The following AGBL4 variants were observed in gnomAD, a reference collection of about 807,000 sequenced individuals.
AGBL4 encodes AGBL carboxypeptidase 4.
In AGBL4, 58 loss-of-function variants were observed where a neutral mutation model predicts 66.4. That is an observed-to-expected ratio of 0.87 (90% CI 0.71 to 1.09). The LOEUF is 1.09. Among genes scored for constraint, AGBL4 ranks in the 50% least tolerant of loss-of-function variants. The probability of loss-of-function intolerance (pLI) is 0.00; values close to 1 mark genes in which losing one functional copy is unlikely to be tolerated. For synonymous variants in AGBL4, 234 were observed against 222.9 expected (o/e 1.05, Z -0.44); for missense variants, 579 against 631.0 (o/e 0.92, Z 0.88).
Position 49,045,739 on chromosome 1 carries a change from CAT to C in AGBL4, c.437_438del (p.Tyr146CysfsTer9). On this transcript the variant is annotated frameshift_variant, in exon 5 of 14. Transcript: ENST00000371839. LOFTEE classifies it high-confidence loss of function. ...TCAAAACAAAAGGCAAAGGACATCA[CAT>C]AGTTCTTCCTATGGTCCGGGCAGCG... ...YYRCPDHRKNYVMSFAFCFDR... is the reference protein window; with the variant it reads ...YYRCPDHRKNXVMSFAFCFDR... The C allele has an allele frequency of 6.4e-7, 1 of 1,551,982 alleles. No individual in the cohort carries two copies. Among genetic ancestry groups the C allele is most frequent in the Non-Finnish European group, 8.7e-7 (1 of 1,146,986 alleles).
chr1:49,194,394 T>G (rs1647184566), intron 4 of AGBL4, among the ~76,000 whole-genome samples: 1 of 152,212 alleles, frequency 6.6e-6, no homozygotes, highest in Non-Finnish European at 1.5e-5. Flanking sequence ...ATACTTTCAG[T>G]GTATATGTGT....
intron 13 of AGBL4, 34 bp from the exon 14 acceptor site, chr1:48,534,327 C>A: frequency 6.5e-7 from 1 of 1,540,164 alleles, no homozygotes; most frequent in Non-Finnish European, 8.8e-7. Context: ...AGAGAGAAGA[C>A]AGCCCATATA....
intron 4 of AGBL4, among the ~76,000 whole-genome samples, chr1:49,198,836 T>G (rs1647450083): frequency 6.6e-6 from 1 of 152,200 alleles, no homozygotes; most frequent in South Asian, 2.1e-4. Context: ...TCAGCCTTGC[T>G]TTTTGTCTTC....
chr1:48,582,962 A>G (rs561235282), intron 11 of AGBL4, among the ~76,000 whole-genome samples: 2 of 152,286 alleles, frequency 1.3e-5, no homozygotes, highest in East Asian at 3.9e-4. Context: ...CCTAGATGAA[A>G]TATCCCTTGG....
intron 1 of AGBL4, among the ~76,000 whole-genome samples, chr1:49,869,641 C>T (rs1018662461): frequency 6.6e-6 from 1 of 152,122 alleles, no homozygotes; most frequent in Non-Finnish European, 1.5e-5. Context: ...ATAGCTAATG[C>T]ATGCTGGGCT....
At chr1:49,834,126 T>G (rs556267864) in intron 2 of AGBL4, among the ~76,000 whole-genome samples, 1 of 152,348 alleles carries the variant, frequency 6.6e-6, no homozygotes, top group Admixed American at 6.5e-5. Context: ...GTCCTTCTTT[T>G]TCTATCGTTT....
intron 4 of AGBL4, among the ~76,000 whole-genome samples, chr1:49,147,191 C>T (rs559727551): frequency 2.0e-4 from 30 of 152,056 alleles, no homozygotes; most frequent in Non-Finnish European, 3.2e-4. Context: ...AAAATCCATG[C>T]CCTGGAGACT....
intron 6 of AGBL4, among the ~76,000 whole-genome samples, chr1:48,749,801 G>A (rs74819679): frequency 0.013 from 1,999 of 152,252 alleles, 40 homozygotes; most frequent in African/African-American, 0.045. Flanking sequence ...AACTATCTGT[G>A]CCCAGAGAGT....
In AGBL4 at chr1:48,742,706, T is replaced by C. The variant is rs773905436; in HGVS notation, c.635-79465A>G. On this transcript the variant is annotated intron_variant, in intron 6 of 13. Coordinates refer to ENST00000371839, the MANE Select transcript of AGBL4 (RefSeq NM_032785.4). ...GACGTATTTGCTTCCTCACTGAAAG[T>C]GCTCCGTAACTCCGGCTCGGGCTCG... 4 of 1,611,416 alleles carry C rather than the reference T, an allele frequency of 2.5e-6. No individual in the cohort carries two copies. In the South Asian group the frequency reaches 4.4e-5, roughly 18 times the overall value.
At chr1:49,392,495 A>G (rs1361828396) in intron 3 of AGBL4, among the ~76,000 whole-genome samples, 1 of 152,230 alleles carries the variant, frequency 6.6e-6, no homozygotes, top group Non-Finnish European at 1.5e-5. Flanking sequence ...GTCTCTTAAT[A>G]GTGAACCACT....
At chr1:49,800,426 A>C (rs945532939) in intron 2 of AGBL4, among the ~76,000 whole-genome samples, 18 of 143,320 alleles carry the variant, frequency 1.3e-4, no homozygotes, top group African/African-American at 3.9e-4. Context: ...CAGGTTAGTT[A>C]CATATGTATA....
chr1:49,921,300 AG>A (rs1319735705), intron 1 of AGBL4, among the ~76,000 whole-genome samples: 10 of 152,178 alleles, frequency 6.6e-5, no homozygotes, highest in African/African-American at 9.7e-5. Context: ...AAATTAAAAA[AG>A]GGTCTTAGAA....
intron 4 of AGBL4, among the ~76,000 whole-genome samples, chr1:49,152,319 C>T (rs1377236024): frequency 6.6e-6 from 1 of 152,282 alleles, no homozygotes; most frequent in South Asian, 2.1e-4. Context: ...CTCTTCCCTT[C>T]TTTTCTCCCT....
At chr1:49,231,946 G>A (rs1279979873) in intron 4 of AGBL4, among the ~76,000 whole-genome samples, 1 of 152,108 alleles carries the variant, frequency 6.6e-6, no homozygotes, top group Non-Finnish European at 1.5e-5. Context: ...TAAGTGTTCT[G>A]AGCACATTAC....
At chr1:49,776,722 G>A (rs1261218945) in intron 2 of AGBL4, among the ~76,000 whole-genome samples, 1 of 152,046 alleles carries the variant, frequency 6.6e-6, no homozygotes, top group Non-Finnish European at 1.5e-5. Context: ...TATCCTGTTA[G>A]TGCTGATCCC....
At chr1:49,181,576 T>C (rs1162732096) in intron 4 of AGBL4, among the ~76,000 whole-genome samples, 1 of 152,200 alleles carries the variant, frequency 6.6e-6, no homozygotes, top group African/African-American at 2.4e-5. Flanking sequence ...ATAGGGGTAT[T>C]GCCTAGGTTA....
At chr1:49,834,022 A>C (rs1645776136) in intron 2 of AGBL4, among the ~76,000 whole-genome samples, 1 of 152,170 alleles carries the variant, frequency 6.6e-6, no homozygotes, top group Admixed American at 6.5e-5. Flanking sequence ...GATGTTCATC[A>C]GGGATATTGG....
At chr1:49,266,244 G>T (rs1643916823) in intron 3 of AGBL4, 1 of 152,058 alleles carries the variant, frequency 6.6e-6, no homozygotes, top group African/African-American at 2.4e-5. Context: ...GCAGCCAAAA[G>T]AGGTAAAAGG....
chr1:48,641,446 C>A (rs1020574036), intron 8 of AGBL4, among the ~76,000 whole-genome samples: 1 of 152,086 alleles, frequency 6.6e-6, no homozygotes, highest in African/African-American at 2.4e-5. Context: ...CTTAGATCAT[C>A]ATGACGAGGA....
Sources: allele counts gnomAD v4.1 joint callset (sites outside exome capture counted in the v4.1 genomes callset), GRCh38; gene constraint gnomAD v4.1.1; transcripts MANE v1.5; gene names NCBI Gene and HGNC (gene_info 2026-07-23, HGNC 2026-07-21).